Variants in FRMD5 observed in about 807,000 individuals in gnomAD.
FRMD5 encodes the protein FERM domain-containing protein 5.
A neutral mutation model predicts 69.0 loss-of-function variants in FRMD5; 20 were observed. That is an observed-to-expected ratio of 0.29 (90% CI 0.20 to 0.42). The LOEUF (loss-of-function observed/expected upper bound fraction) is 0.42. Ranked by LOEUF, FRMD5 falls within the 10% of genes least tolerant of loss-of-function variation. The probability of loss-of-function intolerance (pLI) is 1.00; values close to 1 mark genes in which losing one functional copy is unlikely to be tolerated. For missense variants in FRMD5, 595 were observed against 708.6 expected (o/e 0.84, Z 1.82); for synonymous variants, 271 against 260.1 (o/e 1.04, Z -0.40).
chr15:44,056,843 C>G (rs994885677), intron 1 of FRMD5, among the ~76,000 whole-genome samples: 1 of 152,146 alleles, frequency 6.6e-6, no homozygotes, highest in Non-Finnish European at 1.5e-5. Context: ...ACACCATTGT[C>G]TCATCATCCC....
intron 1 of FRMD5, among the ~76,000 whole-genome samples, chr15:43,932,881 A>G (rs201015055): frequency 5.3e-5 from 8 of 152,308 alleles, no homozygotes; most frequent in East Asian, 3.9e-4. Flanking sequence ...AGCTGCTGGC[A>G]TCCTATCCCA....
In FRMD5 at chr15:44,024,664, G is replaced by A. The variant is rs1011535702; in HGVS notation, c.103-100355C>T. Among the ~76,000 whole-genome samples, 14 of 152,090 alleles carry A rather than the reference G, an allele frequency of 9.2e-5. No homozygotes were observed. The East Asian group carries it at 2.5e-3, about 27-fold the overall frequency. On this transcript the variant is annotated intron_variant, in intron 1 of 13. Transcript: ENST00000417257. ...GTTCATTTTTTAAAAATTGATTTGTGGAATTTTAAAAACATATTCTGGCTC... is the reference window on the plus strand; with the variant it reads ...GTTCATTTTTTAAAAATTGATTTGTAGAATTTTAAAAACATATTCTGGCTC...
chr15:43,912,874 A>T (rs2140425231), intron 4 of FRMD5, among the ~76,000 whole-genome samples: 1 of 151,648 alleles, frequency 6.6e-6, no homozygotes, highest in Non-Finnish European at 1.5e-5. Context: ...AAAAAAAAAA[A>T]AAAAAAATTA....
intron 1 of FRMD5, among the ~76,000 whole-genome samples, chr15:44,082,219 AG>A (rs1208845026): frequency 6.6e-6 from 1 of 151,950 alleles, no homozygotes; most frequent in African/African-American, 2.4e-5. Context: ...AGAGGGGAAA[AG>A]TTGAGTTTAA....
chr15:43,927,221 ATGG>A, intron 1 of FRMD5, among the ~76,000 whole-genome samples: 1 of 152,292 alleles, frequency 6.6e-6, no homozygotes, highest in African/African-American at 2.4e-5. Context: ...TATCTTCTCA[ATGG>A]TGTCAAGAGC....
chr15:44,050,025 C>T (rs945737516), intron 1 of FRMD5, among the ~76,000 whole-genome samples: 9 of 152,140 alleles, frequency 5.9e-5, no homozygotes, highest in African/African-American at 1.9e-4. Flanking sequence ...ACCCCTAGAT[C>T]ACCCTGTATA....
At chr15:43,914,525 A>G (rs896757498) in intron 4 of FRMD5, among the ~76,000 whole-genome samples, 4 of 152,092 alleles carry the variant, frequency 2.6e-5, no homozygotes, top group South Asian at 2.1e-4. Context: ...GACACTTACT[A>G]TATGTGCCAG....
intron 1 of FRMD5, among the ~76,000 whole-genome samples, chr15:44,147,137 C>A (rs930896279): frequency 2.0e-5 from 3 of 152,152 alleles, no homozygotes; most frequent in Non-Finnish European, 4.4e-5. Context: ...ACATTTAAGT[C>A]TTTAATTCAT....
At chr15:43,985,301 A>AG (rs1889341399) in intron 1 of FRMD5, among the ~76,000 whole-genome samples, 1 of 151,400 alleles carries the variant, frequency 6.6e-6, no homozygotes. Flanking sequence ...AAAAAAAAAA[A>AG]AAAGATTGGG....
intron 1 of FRMD5, among the ~76,000 whole-genome samples, chr15:44,119,933 G>A (rs1219069672): frequency 6.6e-6 from 1 of 152,106 alleles, no homozygotes; most frequent in East Asian, 1.9e-4. Flanking sequence ...GAGCATCTCA[G>A]AGGAAGTAAC....
At chr15:43,996,020 G>A (rs1194852820) in intron 1 of FRMD5, among the ~76,000 whole-genome samples, 1 of 152,170 alleles carries the variant, frequency 6.6e-6, no homozygotes, top group Non-Finnish European at 1.5e-5. Flanking sequence ...AGCCTGGCCT[G>A]GAGCCCGTGT....
chr15:44,184,841 T>C (rs1334068906), intron 1 of FRMD5, among the ~76,000 whole-genome samples: 1 of 152,214 alleles, frequency 6.6e-6, no homozygotes, highest in African/African-American at 2.4e-5. Context: ...AGATAAATCA[T>C]TAGTAAAAAT....
chr15:44,052,086 T>C (rs896852179), intron 1 of FRMD5, among the ~76,000 whole-genome samples: 1 of 152,072 alleles, frequency 6.6e-6, no homozygotes, highest in African/African-American at 2.4e-5. Flanking sequence ...GAGAACAAAG[T>C]AGTTACATAT....
intron 1 of FRMD5, among the ~76,000 whole-genome samples, chr15:44,193,162 A>G (rs1432585305): frequency 6.6e-6 from 1 of 152,244 alleles, no homozygotes; most frequent in Non-Finnish European, 1.5e-5. Flanking sequence ...AAGGTTAACA[A>G]TCATTTCTAG....
chr15:44,146,439 T>C (rs1181855301), intron 1 of FRMD5, among the ~76,000 whole-genome samples: 4 of 152,176 alleles, frequency 2.6e-5, no homozygotes, highest in Admixed American at 2.6e-4. Flanking sequence ...CTATTGTGAC[T>C]AGTGCTGCAG....
intron 1 of FRMD5, among the ~76,000 whole-genome samples, chr15:44,038,081 G>A (rs1227384620): frequency 2.6e-5 from 4 of 152,002 alleles, no homozygotes; most frequent in African/African-American, 4.8e-5. Context: ...TATGTTTGTT[G>A]GCCACATAAA....
At chr15:43,953,822 G>A (rs2090074506) in intron 1 of FRMD5, among the ~76,000 whole-genome samples, 1 of 152,182 alleles carries the variant, frequency 6.6e-6, no homozygotes, top group Admixed American at 6.5e-5. Context: ...ACCTTCAAAA[G>A]GTATTCTCAG....
At position 43,874,206 on chromosome 15, in the gene FRMD5, G is replaced by T. The variant is rs567445197; in HGVS notation, c.1392C>A (p.Ala464=). 4 of 1,614,228 alleles carry T rather than the reference G, an allele frequency of 2.5e-6. No homozygotes were observed. The highest frequency in any genetic ancestry group is 1.7e-5 in the Admixed American group (1 of 60,026). ...CSIEEEKESE[A]STPTATEVEA... is the part of the protein sequence containing the mutation. Reference sequence around the variant, plus strand: ...CCACCTCTGTAGCAGTTGGGGTGCTGGCTTCAGATTCCTTCTCCTCCTCAA... The same window carrying T: ...CCACCTCTGTAGCAGTTGGGGTGCTTGCTTCAGATTCCTTCTCCTCCTCAA... Residue 464 remains alanine (A), a synonymous_variant, in exon 14 of 14, where the codon GCC becomes GCA. Transcript: ENST00000417257.
At chr15:43,874,983 A>AGG (rs2140330602) in intron 13 of FRMD5, among the ~76,000 whole-genome samples, 1 of 152,174 alleles carries the variant, frequency 6.6e-6, no homozygotes, top group East Asian at 1.9e-4. Flanking sequence ...GCGGATCATG[A>AGG]GGTAAGGAGT....
Sources: allele counts gnomAD v4.1 joint callset (sites outside exome capture counted in the v4.1 genomes callset), GRCh38; gene constraint gnomAD v4.1.1; transcripts MANE v1.5; gene names NCBI Gene and HGNC (gene_info 2026-07-23, HGNC 2026-07-21).